The following STARD13 variants were observed in gnomAD, a reference collection of about 807,000 sequenced individuals.
The protein encoded by STARD13 is stAR-related lipid transfer protein 13.
STARD13 carries 62 observed loss-of-function variants against 106.4 expected under a neutral mutation model. That is an observed-to-expected ratio of 0.58 (90% CI 0.48 to 0.72). STARD13 has a LOEUF of 0.72. Ranked by LOEUF, STARD13 falls within the 30% of genes least tolerant of loss-of-function variation. The pLI is 0.00. For synonymous variants in STARD13, 565 were observed against 553.0 expected (o/e 1.02, Z -0.31); for missense variants, 1,387 against 1,424.0 (o/e 0.97, Z 0.42).
the STARD13 span, among the ~76,000 whole-genome samples, chr13:33,380,526 C>T: frequency 7.5e-6 from 1 of 133,516 alleles, no homozygotes; most frequent in African/African-American, 2.8e-5. Context: ...ATAGACCTTT[C>T]CTCTGTGTGC....
chr13:33,344,462 A>G (rs1392057989), downstream of STARD13, among the ~76,000 whole-genome samples: 1 of 152,186 alleles, frequency 6.6e-6, no homozygotes, highest in Non-Finnish European at 1.5e-5. Flanking sequence ...GTTGAGTATC[A>G]TCCTGTACTT....
the STARD13 span, among the ~76,000 whole-genome samples, chr13:33,673,213 T>G: frequency 2.6e-5 from 4 of 152,358 alleles, no homozygotes; most frequent in African/African-American, 9.6e-5. Flanking sequence ...AATATTCTTA[T>G]GTTCTTATTT....
chr13:33,582,901 C>A, the STARD13 span, among the ~76,000 whole-genome samples: 2 of 152,168 alleles, frequency 1.3e-5, no homozygotes, highest in African/African-American at 4.8e-5. Context: ...AAACTGGAAT[C>A]ACATTTCTCA....
chr13:33,139,598 A>T (rs1376790584), intron 4 of STARD13, among the ~76,000 whole-genome samples: 1 of 152,206 alleles, frequency 6.6e-6, no homozygotes, highest in East Asian at 1.9e-4. Context: ...GGATGGCTTA[A>T]CATGGGGACT....
At chr13:33,495,653 G>A in the STARD13 span, among the ~76,000 whole-genome samples, 2 of 151,828 alleles carry the variant, frequency 1.3e-5, no homozygotes, top group South Asian at 4.1e-4. Flanking sequence ...TAAGAAGGAA[G>A]AGGAGCATGG....
chr13:33,358,136 G>A, the STARD13 span, among the ~76,000 whole-genome samples: 24 of 152,370 alleles, frequency 1.6e-4, no homozygotes, highest in South Asian at 4.1e-3. Flanking sequence ...CAGTGGCTGC[G>A]GAGGGTGTAC....
chr13:33,415,156 C>G, the STARD13 span, among the ~76,000 whole-genome samples: 2 of 152,282 alleles, frequency 1.3e-5, no homozygotes, highest in African/African-American at 4.8e-5. Flanking sequence ...ATCACTAGGT[C>G]AGGAGATCGA....
the STARD13 span, among the ~76,000 whole-genome samples, chr13:33,423,425 A>G: frequency 1.3e-5 from 2 of 152,210 alleles, no homozygotes; most frequent in Non-Finnish European, 2.9e-5. Context: ...AATGGCAATC[A>G]TTAAAAAGTT....
At chr13:33,111,453 T>G (rs1426085122) in intron 10 of STARD13, among the ~76,000 whole-genome samples, 1 of 152,206 alleles carries the variant, frequency 6.6e-6, no homozygotes, top group African/African-American at 2.4e-5. Context: ...ATACACACAC[T>G]CACACAGATG....
intron 12 of STARD13, among the ~76,000 whole-genome samples, chr13:33,109,007 T>C (rs571145193): frequency 8.5e-5 from 13 of 152,272 alleles, no homozygotes; most frequent in Admixed American, 4.6e-4. Context: ...TCCCAAGTCA[T>C]AAAGAGCTCA....
chr13:33,448,112 G>C, the STARD13 span, among the ~76,000 whole-genome samples: 1 of 152,010 alleles, frequency 6.6e-6, no homozygotes, highest in South Asian at 2.1e-4. Context: ...GTGATGTTTC[G>C]ATATGTGTTC....
At chr13:33,512,490 G>T in the STARD13 span, among the ~76,000 whole-genome samples, 3 of 151,724 alleles carry the variant, frequency 2.0e-5, no homozygotes, top group East Asian at 5.8e-4. Context: ...TTTTTGAGGC[G>T]AAGTTTTGCT....
intron 7 of STARD13, among the ~76,000 whole-genome samples, chr13:33,123,171 G>A (rs1480031904): frequency 7.9e-5 from 12 of 151,742 alleles, no homozygotes; most frequent in East Asian, 1.9e-4. Flanking sequence ...AACAGCCAGC[G>A]GGGGCAGGGA....
At chr13:33,488,137 T>C in the STARD13 span, among the ~76,000 whole-genome samples, 3 of 152,186 alleles carry the variant, frequency 2.0e-5, no homozygotes, top group Non-Finnish European at 4.4e-5. Context: ...ACATATTCCC[T>C]AAGGTTCTGT....
chr13:33,554,068 A>G, the STARD13 span, among the ~76,000 whole-genome samples: 7 of 152,108 alleles, frequency 4.6e-5, no homozygotes, highest in East Asian at 1.3e-3. Context: ...TTTCAATTAT[A>G]TCTTCTCTTC....
At chr13:33,127,065 T>C (rs1386556883) in intron 6 of STARD13, among the ~76,000 whole-genome samples, 1 of 152,220 alleles carries the variant, frequency 6.6e-6, no homozygotes, top group East Asian at 1.9e-4. Flanking sequence ...ACTGCCAGGA[T>C]TATTTTATGG....
At chr13:33,235,051 G>A (rs965228659) in intron 1 of STARD13, among the ~76,000 whole-genome samples, 8 of 152,298 alleles carry the variant, frequency 5.3e-5, no homozygotes, top group African/African-American at 1.9e-4. Flanking sequence ...TTAGTACAGT[G>A]GTTTTCAAAG....
At chr13:33,138,515 C>A (rs2764613) in intron 4 of STARD13, 2 of 152,628 alleles carry the variant, frequency 1.3e-5, no homozygotes, top group African/African-American at 4.9e-5. Flanking sequence ...GGGCTTTTTT[C>A]AAAAGACGGA....
At chr13:33,579,598 C>T in the STARD13 span, among the ~76,000 whole-genome samples, 1 of 150,494 alleles carries the variant, frequency 6.6e-6, no homozygotes, top group Non-Finnish European at 1.5e-5. Context: ...GCCTATGTAA[C>T]CAAAAACCAC....
Sources: gnomAD v4.1 joint callset for allele counts (sites outside exome capture counted in the v4.1 genomes callset) on GRCh38, gnomAD v4.1.1 for gene constraint, MANE v1.5 for transcripts, NCBI Gene and HGNC (gene_info 2026-07-23, HGNC 2026-07-21) for gene names.